The following BANK1 variants were observed in gnomAD, a reference collection of about 807,000 sequenced individuals.
The protein encoded by BANK1 is B cell scaffold protein with ankyrin repeats 1.
BANK1 carries 95 observed loss-of-function variants against 94.5 expected under a neutral mutation model. The observed-to-expected ratio is 1.00, with a 90% CI of 0.85 to 1.19. The LOEUF (loss-of-function observed/expected upper bound fraction) is 1.19. Ranked by LOEUF, BANK1 falls within the 50% of genes most tolerant of loss-of-function variation. The pLI, the probability that BANK1 is intolerant of heterozygous loss-of-function variation, is 0.00. For missense variants in BANK1, 987 were observed against 932.2 expected, an observed-to-expected ratio of 1.06 and a Z score of -0.77; for synonymous variants, 334 against 308.4, an observed-to-expected ratio of 1.08 and a Z score of -0.87.
intron 6 of BANK1, among the ~76,000 whole-genome samples, chr4:101,904,227 T>C (rs891114848): frequency 2.0e-5 from 3 of 152,334 alleles, no homozygotes; most frequent in South Asian, 4.1e-4. Flanking sequence ...TTTGGAATTA[T>C]AGCAGGAGAA....
intron 9 of BANK1, among the ~76,000 whole-genome samples, chr4:102,027,381 C>T (rs1483158547): frequency 6.6e-6 from 1 of 151,782 alleles, no homozygotes; most frequent in Non-Finnish European, 1.5e-5. Flanking sequence ...TGAAAACTAG[C>T]AAATATAAAA....
intron 7 of BANK1, among the ~76,000 whole-genome samples, chr4:102,001,367 C>G (rs1265422815): frequency 6.6e-6 from 1 of 152,110 alleles, no homozygotes; most frequent in Non-Finnish European, 1.5e-5. Context: ...TTTGGGAGGC[C>G]GAGATGGGCG....
intron 2 of BANK1, among the ~76,000 whole-genome samples, chr4:101,837,128 C>A (rs1290460174): frequency 6.6e-6 from 1 of 152,132 alleles, no homozygotes; most frequent in Non-Finnish European, 1.5e-5. Flanking sequence ...ATATTATGTA[C>A]AATTTTTTTT....
At chr4:101,792,105 C>A (rs1189697298) in intron 1 of BANK1, among the ~76,000 whole-genome samples, 2 of 152,120 alleles carry the variant, frequency 1.3e-5, no homozygotes, top group African/African-American at 4.8e-5. Context: ...TTTCAAACTT[C>A]TAGATTAAAC....
At chr4:101,798,603 C>T (rs1462827284) in intron 1 of BANK1, among the ~76,000 whole-genome samples, 2 of 152,174 alleles carry the variant, frequency 1.3e-5, no homozygotes, top group African/African-American at 4.8e-5. Context: ...CCTATTTCTC[C>T]ATATCCTCTC....
intron 7 of BANK1, among the ~76,000 whole-genome samples, chr4:101,943,301 C>G (rs1331736198): frequency 6.6e-6 from 1 of 151,874 alleles, no homozygotes; most frequent in Non-Finnish European, 1.5e-5. Flanking sequence ...TGATAGTAAT[C>G]AAAACTTAGA....
intron 7 of BANK1, among the ~76,000 whole-genome samples, chr4:102,012,579 C>G (rs1251144735): frequency 6.6e-6 from 1 of 152,082 alleles, no homozygotes; most frequent in Admixed American, 6.6e-5. Flanking sequence ...TGTCAAATAA[C>G]ACTTATCTAA....
At chr4:101,842,552 C>G (rs1727090232) in intron 2 of BANK1, among the ~76,000 whole-genome samples, 1 of 152,156 alleles carries the variant, frequency 6.6e-6, no homozygotes, top group South Asian at 2.1e-4. Context: ...ATCCCCATTT[C>G]AAATAACTAT....
intron 5 of BANK1, among the ~76,000 whole-genome samples, chr4:101,877,369 G>A (rs1353598553): frequency 1.3e-5 from 2 of 152,158 alleles, no homozygotes; most frequent in East Asian, 3.9e-4. Flanking sequence ...TAAGTACACA[G>A]AGAAACACAG....
chr4:102,037,601 TG>T (rs1727551958), intron 10 of BANK1, among the ~76,000 whole-genome samples: 1 of 152,154 alleles, frequency 6.6e-6, no homozygotes, highest in South Asian at 2.1e-4. Flanking sequence ...CCAGCAGCAT[TG>T]TGTAGTGAAA....
chr4:102,069,926 A>G (rs1275449439), intron 13 of BANK1, among the ~76,000 whole-genome samples: 2 of 152,188 alleles, frequency 1.3e-5, no homozygotes, highest in Non-Finnish European at 2.9e-5. Flanking sequence ...GTAGTATTCC[A>G]TCTATCTGGA....
intron 2 of BANK1, among the ~76,000 whole-genome samples, chr4:101,842,069 C>T (rs529871824): frequency 3.3e-5 from 5 of 151,936 alleles, no homozygotes; most frequent in African/African-American, 1.2e-4. Context: ...ATAATTAAAC[C>T]AGTTATAGCA....
At chr4:101,819,211 T>C (rs1203680945) in intron 1 of BANK1, among the ~76,000 whole-genome samples, 1 of 152,198 alleles carries the variant, frequency 6.6e-6, no homozygotes, top group East Asian at 1.9e-4. Flanking sequence ...TAATAATTGC[T>C]AGAAGATATT....
rs772297426 is a variant in BANK1, at chr4:102,030,099, T to C, written c.1734T>C (p.Tyr578=). Residue 578 remains tyrosine, a synonymous_variant, in exon 10 of 17, where the codon TAT becomes TAC. Coordinates refer to ENST00000322953, the MANE Select transcript of BANK1 (RefSeq NM_017935.5). ...EKEQEEEEDP[Y]TFAEIDDSEY... Reference sequence around the variant, plus strand: ...AGCAGGAGGAGGAAGAAGACCCATATACTTTTGCTGAGATTGATGACAGTG... The same window carrying C: ...AGCAGGAGGAGGAAGAAGACCCATACACTTTTGCTGAGATTGATGACAGTG... 6 of 1,613,900 alleles carry C rather than the reference T, an allele frequency of 3.7e-6. No individual in the cohort carries two copies. In the Admixed American group the frequency reaches 8.3e-5, roughly 22 times the overall value.
Position 101,813,697 on chromosome 4 carries a change from T to G in BANK1, c.71-16111T>G, listed in dbSNP as rs138888407. 2.2e-3 allele frequency: 360 copies of G among 162,026 alleles called. 1 individual carries two copies. Among genetic ancestry groups the G allele is most frequent in the African/African-American group, 8.3e-3 (346 of 41,756 alleles). The allele number at this position is 162,026 out of a possible 1,614,324, so 10.0% of individuals were successfully genotyped here. On this transcript the variant is annotated intron_variant, in intron 1 of 16. Coordinates refer to ENST00000322953, the MANE Select transcript of BANK1 (RefSeq NM_017935.5). ...AGGATTGTTTTAGAGTTACCTAGAA[T>G]TTTTAGCCCTTGCTATCTTGTAAAC...
chr4:101,863,549 A>G (rs1313738676), intron 4 of BANK1, among the ~76,000 whole-genome samples: 2 of 152,112 alleles, frequency 1.3e-5, no homozygotes, highest in Non-Finnish European at 2.9e-5. Context: ...TATGCAGTCT[A>G]TTTACAAAGC....
chr4:102,045,950 T>G (rs933243023), intron 11 of BANK1, among the ~76,000 whole-genome samples: 5 of 149,414 alleles, frequency 3.3e-5, no homozygotes, highest in Admixed American at 2.7e-4. Context: ...TACTTTAAAG[T>G]TCATATGGAA....
intron 7 of BANK1, among the ~76,000 whole-genome samples, chr4:101,966,890 C>T (rs963070177): frequency 1.3e-5 from 2 of 152,048 alleles, no homozygotes; most frequent in Non-Finnish European, 2.9e-5. Context: ...GAATACACAG[C>T]TTTTCTGTGA....
At chr4:101,899,180 T>C (rs1347957317) in intron 6 of BANK1, among the ~76,000 whole-genome samples, 1 of 151,940 alleles carries the variant, frequency 6.6e-6, no homozygotes, top group African/African-American at 2.4e-5. Flanking sequence ...GGCAAGAGTA[T>C]TTTTTCTGGG....
Sources: gnomAD v4.1 joint callset for allele counts (sites outside exome capture counted in the v4.1 genomes callset) on GRCh38, gnomAD v4.1.1 for gene constraint, MANE v1.5 for transcripts, NCBI Gene and HGNC (gene_info 2026-07-23, HGNC 2026-07-21) for gene names.